The following PCDHA5 variants were observed in gnomAD, a reference collection of about 807,000 sequenced individuals.
The protein encoded by PCDHA5 is protocadherin alpha 5, also known as protocadherin alpha-5.
A neutral mutation model predicts 61.6 loss-of-function variants in PCDHA5; 43 were observed. The ratio of observed to expected loss-of-function variants is 0.70; its 90% CI spans 0.55 to 0.90. The LOEUF (loss-of-function observed/expected upper bound fraction) is 0.90, where lower values mean the gene tolerates loss of function less well. Ranked by LOEUF, PCDHA5 falls within the 40% of genes least tolerant of loss-of-function variation. The pLI is 0.00. For synonymous variants in PCDHA5, 627 were observed against 543.9 expected, an observed-to-expected ratio of 1.15 and a Z score of -2.13; for missense variants, 1,298 against 1,222.7, an observed-to-expected ratio of 1.06 and a Z score of -0.92.
At chr5:141,008,440 A>T (rs545076432) in intron 3 of PCDHA5, among the ~76,000 whole-genome samples, 196 of 152,294 alleles carry the variant, frequency 1.3e-3, no homozygotes, top group South Asian at 8.7e-3. Flanking sequence ...GCCCAGACAG[A>T]CCATTACCCT....
At chr5:140,946,679 CG>C (rs1355438071) in intron 1 of PCDHA5, among the ~76,000 whole-genome samples, 1 of 144,750 alleles carries the variant, frequency 6.9e-6, no homozygotes, top group Non-Finnish European at 1.5e-5. Flanking sequence ...TCCTGTCATT[CG>C]TGACAATATG....
chr5:140,967,974 G>A (rs782644202), intron 1 of PCDHA5: 3 of 1,614,204 alleles, frequency 1.9e-6, no homozygotes, highest in South Asian at 1.1e-5. Flanking sequence ...GTGAGCCTGG[G>A]TCTGGAGGCC....
chr5:140,959,449 A>G (rs2095488988), intron 1 of PCDHA5, among the ~76,000 whole-genome samples: 1 of 152,196 alleles, frequency 6.6e-6, no homozygotes, highest in South Asian at 2.1e-4. Context: ...TTTTGTGCTG[A>G]AAAGCTGAAG....
At chr5:140,961,205 T>C (rs1215243152) in intron 1 of PCDHA5, among the ~76,000 whole-genome samples, 2 of 152,172 alleles carry the variant, frequency 1.3e-5, no homozygotes, top group Non-Finnish European at 2.9e-5. Context: ...GAGGTTGGTA[T>C]TGATGAAGAA....
intron 1 of PCDHA5, chr5:140,842,566 CGAGAGA>C: frequency 6.7e-7 from 1 of 1,503,446 alleles, no homozygotes; most frequent in Non-Finnish European, 9.0e-7. Flanking sequence ...CCCTGGACCG[CGAGAGA>C]GTGTCGGCCT....
At chr5:140,978,818 C>T in intron 1 of PCDHA5, 131 bp from the exon 2 acceptor site, 4 of 1,512,636 alleles carry the variant, frequency 2.6e-6, no homozygotes, top group Non-Finnish European at 3.5e-6. Flanking sequence ...TAGAGTTACA[C>T]ATGAAATGGC....
intron 3 of PCDHA5, among the ~76,000 whole-genome samples, chr5:140,991,067 A>C (rs2097429962): frequency 6.6e-6 from 1 of 152,184 alleles, no homozygotes; most frequent in Admixed American, 6.5e-5. Flanking sequence ...TATTATTCCC[A>C]TGTTTCAGAT....
chr5:140,928,155 C>T, intron 1 of PCDHA5: 2 of 1,614,178 alleles, frequency 1.2e-6, no homozygotes, highest in Non-Finnish European at 1.7e-6. Flanking sequence ...CAGATAGTGG[C>T]TCACCCCCAC....
Position 140,822,043 on chromosome 5 carries a change from G to C in PCDHA5, c.268G>C (p.Asp90His), listed in dbSNP as rs1318041408. The stretch of plus-strand genomic sequence containing the variant: ...CATTTTGTTTGTGAATTCTCGGATC[G>C]ACCGGGAGGAGCTGTGCCGGCGGAG... ...NGILFVNSRI[D>H]REELCRRRAE... The change falls in exon 1 of 4, where the codon GAC becomes CAC. Residue 90 changes from aspartate to histidine, a missense_variant. Physicochemically the swap from Asp to His is moderately conservative, Grantham distance 81. Coordinates refer to ENST00000529859, the MANE Select transcript of PCDHA5 (RefSeq NM_018908.3). 1.9e-6 allele frequency: 3 copies of C among 1,614,200 alleles called. No individual in the cohort carries two copies. Among genetic ancestry groups the C allele is most frequent in the Non-Finnish European group, 2.5e-6 (3 of 1,180,038 alleles).
At chr5:140,911,845 A>G (rs1184698013) in intron 1 of PCDHA5, among the ~76,000 whole-genome samples, 2 of 152,216 alleles carry the variant, frequency 1.3e-5, no homozygotes, top group Non-Finnish European at 2.9e-5. Context: ...AAAGAACTCC[A>G]TCCTTAATAG....
intron 1 of PCDHA5, among the ~76,000 whole-genome samples, chr5:140,945,365 G>A (rs1458066318): frequency 6.6e-6 from 1 of 151,914 alleles, no homozygotes; most frequent in Non-Finnish European, 1.5e-5. Flanking sequence ...TGTTTAAAAT[G>A]TCCATATTAC....
At position 140,822,386 on chromosome 5, in the gene PCDHA5, C is replaced by T. The variant is rs2150115913; in HGVS notation, c.611C>T (p.Thr204Ile). The T allele has an allele frequency of 1.2e-6, 2 of 1,614,064 alleles. No homozygotes were observed. The highest frequency in any genetic ancestry group is 4.5e-5 in the East Asian group (2 of 44,884). The stretch of plus-strand genomic sequence containing the variant: ...AGGAAATCCTTAGATAGAGAAGAAA[C>T]ACAAGAACACCGTTTATTAGTGATT... ...VLRKSLDREE[T>I]QEHRLLVIAT... is the part of the protein sequence containing the mutation. Residue 204 changes from threonine (T) to isoleucine (I), a missense_variant, in exon 1 of 4, where the codon ACA becomes ATA. Coordinates refer to ENST00000529859, the MANE Select transcript of PCDHA5 (RefSeq NM_018908.3).
At position 140,931,063 on chromosome 5, in the gene PCDHA5, A is replaced by C. The variant is rs1584700470; in HGVS notation, c.2353-47886A>C. Among the ~76,000 whole-genome samples, 4 of 152,202 alleles carry C rather than the reference A, an allele frequency of 2.6e-5. No individual in the cohort carries two copies. In the South Asian group the frequency reaches 8.3e-4, roughly 31 times the overall value. On this transcript the variant is annotated intron_variant, in intron 1 of 3. Coordinates refer to ENST00000529859, the MANE Select transcript of PCDHA5 (RefSeq NM_018908.3). ...GAAAAACTTCAATGCTGTGTCTGGGACTAAGTATGAGTCCAGTTCTACAGA... is the reference window on the plus strand; with the variant it reads ...GAAAAACTTCAATGCTGTGTCTGGGCCTAAGTATGAGTCCAGTTCTACAGA...
intron 1 of PCDHA5, chr5:140,877,288 T>C (rs782747810): frequency 1.9e-6 from 3 of 1,613,908 alleles, no homozygotes; most frequent in Non-Finnish European, 2.5e-6. Context: ...CTATAACGCT[T>C]GGCTGTCCTA....
rs2150116798 is a variant in PCDHA5 at position 140,822,495 on chromosome 5, A to C, written c.720A>C (p.Glu240Asp). The C allele has an allele frequency of 6.2e-7, 1 of 1,613,888 alleles. No homozygotes were observed. Among genetic ancestry groups the C allele is most frequent in the Non-Finnish European group, 8.5e-7 (1 of 1,179,982 alleles). The change falls in exon 1 of 4, where the codon GAA (glutamate) becomes GAC (aspartate). Residue 240 changes from glutamate to aspartate, a missense_variant. Glu to Asp is a conservative substitution (Grantham distance 45). Coordinates refer to ENST00000529859, the MANE Select transcript of PCDHA5 (RefSeq NM_018908.3). ...NVLDANDNAP[E>D]FDKSIYNVRL... is the part of the protein sequence containing the mutation. ...TGGATGCTAATGATAACGCCCCAGA[A>C]TTTGATAAATCCATTTATAATGTCA...
chr5:140,875,125 A>T (rs1158150211), intron 1 of PCDHA5, among the ~76,000 whole-genome samples: 2 of 152,240 alleles, frequency 1.3e-5, no homozygotes, highest in Non-Finnish European at 2.9e-5. Flanking sequence ...TATATTAACT[A>T]AACCCGCATT....
intron 1 of PCDHA5, among the ~76,000 whole-genome samples, chr5:140,931,196 A>T (rs1279027493): frequency 1.3e-5 from 2 of 152,182 alleles, no homozygotes; most frequent in Non-Finnish European, 2.9e-5. Flanking sequence ...GTGCACTACA[A>T]TGCTAGTATT....
intron 1 of PCDHA5, chr5:140,834,482 C>T (rs2150219346): frequency 5.0e-6 from 8 of 1,614,172 alleles, no homozygotes; most frequent in South Asian, 1.1e-5. Context: ...AGCTCCACTA[C>T]TCGGTCCCCG....
intron 1 of PCDHA5, chr5:140,858,071 C>A: frequency 6.3e-7 from 1 of 1,597,680 alleles, no homozygotes; most frequent in Non-Finnish European, 8.6e-7. Context: ...CAGCCAGGCA[C>A]CCAAGGCCTC....
Sources: gnomAD v4.1 joint callset for allele counts (sites outside exome capture counted in the v4.1 genomes callset) on GRCh38, gnomAD v4.1.1 for gene constraint, MANE v1.5 for transcripts, NCBI Gene and HGNC (gene_info 2026-07-23, HGNC 2026-07-21) for gene names.